COX11: variants seen among roughly 807,000 people sequenced by gnomAD.
The protein encoded by COX11 is cytochrome c oxidase assembly protein COX11, mitochondrial.
In COX11, 18 loss-of-function variants were observed where a neutral mutation model predicts 29.4. The observed-to-expected ratio is 0.61, with a 90% CI of 0.42 to 0.91. The LOEUF (loss-of-function observed/expected upper bound fraction) is 0.91. Among genes scored for constraint, COX11 ranks in the 40% least tolerant of loss-of-function variants. The pLI, the probability that COX11 is intolerant of heterozygous loss-of-function variation, is 0.00. For missense variants in COX11, 312 were observed against 346.0 expected (o/e 0.90, Z 0.78); for synonymous variants, 131 against 124.0 (o/e 1.06, Z -0.38).
upstream of COX11, among the ~76,000 whole-genome samples, chr17:54,955,318 A>C (rs1330396769): frequency 6.6e-6 from 1 of 152,120 alleles, no homozygotes; most frequent in East Asian, 1.9e-4. Flanking sequence ...GGTGGTGGGG[A>C]GGTAGGTAAA....
Position 54,961,086 on chromosome 17 carries a change from A to C in COX11, c.*1647T>G. The C allele has an allele frequency of 3.0e-6, 2 of 661,044 alleles. No homozygotes were observed. Among genetic ancestry groups the C allele is most frequent in the South Asian group, 3.5e-5 (2 of 56,514 alleles). The allele number at this position is 661,044 out of a possible 1,614,324, so 40.9% of individuals were successfully genotyped here. ...CTATCAAAACTTATTTATTCCCCTT[A>C]TACCCTCCCCTATGGAAGAAGCACA... On this transcript the variant is annotated 3_prime_UTR_variant, in exon 4 of 4. Transcript: ENST00000299335.
upstream of COX11, chr17:54,968,773 G>A: frequency 8.7e-7 from 1 of 1,148,118 alleles, no homozygotes; most frequent in Non-Finnish European, 1.2e-6. Flanking sequence ...TCAGGTGGCA[G>A]CGCTTGCAGT....
chr17:54,961,227 T>A lies in COX11; in HGVS notation c.*1506A>T. 1.3e-6 allele frequency: 2 copies of A among 1,509,142 alleles called. No individual in the cohort carries two copies. The highest frequency in any genetic ancestry group is 1.4e-5 in the African/African-American group (1 of 72,448). 93.5% of individuals were successfully genotyped at this position (1,509,142 alleles called of 1,614,324 possible). ...TGAATACTGGCCATTTTCTTCTCTTTATTTTAGAAGAAAGTGGATGATCAG... is the reference window on the plus strand; with the variant it reads ...TGAATACTGGCCATTTTCTTCTCTTAATTTTAGAAGAAAGTGGATGATCAG... On this transcript the variant is annotated 3_prime_UTR_variant, in exon 4 of 4. Transcript: ENST00000299335.
intron 1 of COX11, among the ~76,000 whole-genome samples, chr17:54,966,009 T>G (rs185065769): frequency 3.1e-4 from 47 of 152,312 alleles, no homozygotes; most frequent in African/African-American, 1.0e-3. Flanking sequence ...ATTCTCTGTT[T>G]GTTACGCAAG....
chr17:54,964,553 TA>T (rs1384111046), intron 2 of COX11, 143 bp downstream of exon 2: 1 of 773,542 alleles, frequency 1.3e-6, no homozygotes, highest in Non-Finnish European at 2.1e-6. Flanking sequence ...AGTTACATGA[TA>T]GTAAAAGTCA....
At chr17:54,960,234 G>T (rs1392187419), downstream of COX11, among the ~76,000 whole-genome samples, 3 of 151,980 alleles carry the variant, frequency 2.0e-5, no homozygotes, top group African/African-American at 7.2e-5. Flanking sequence ...GCATGGTTGT[G>T]TGTCCCTGTA....
In COX11 at chr17:54,961,047, T is replaced by C. The variant is rs2077107651; in HGVS notation, c.*1686A>G. 2 of 599,332 alleles carry C rather than the reference T, an allele frequency of 3.3e-6. No individual in the cohort carries two copies. 37.1% of individuals were successfully genotyped at this position (599,332 alleles called of 1,614,324 possible). A position where few individuals can be genotyped will look rare whatever the true frequency, so the allele number is the denominator to read the frequency against. On this transcript the variant is annotated 3_prime_UTR_variant, in exon 4 of 4. Transcript: ENST00000299335. Reference sequence around the variant, plus strand: ...CTAATCCCATGTATTTACTATTTAATGGTCACCAATGAACTATCAAAACTT... The same window carrying C: ...CTAATCCCATGTATTTACTATTTAACGGTCACCAATGAACTATCAAAACTT...
rs1343974284 is a variant in COX11, at chr17:54,961,281, T to C, written c.*1452A>G. The C allele has an allele frequency of 5.2e-6, 8 of 1,551,536 alleles. No homozygotes were observed. In the Admixed American group the frequency reaches 9.8e-5, roughly 19 times the overall value. On this transcript the variant is annotated 3_prime_UTR_variant, in exon 4 of 4. Coordinates refer to ENST00000299335, the MANE Select transcript of COX11 (RefSeq NM_004375.5). The stretch of plus-strand genomic sequence containing the variant: ...ACTACCACATCAAAGGTGCCAACTC[T>C]CTAAAACGTAGACTCTGTGCAGCTT...
intron 1 of COX11, among the ~76,000 whole-genome samples, chr17:54,965,744 T>C (rs1279695242): frequency 1.3e-5 from 2 of 151,966 alleles, no homozygotes; most frequent in African/African-American, 2.4e-5. Context: ...GGCAGAAGAA[T>C]TGCTTGAACC....
chr17:54,961,893 C>T lies in COX11; in HGVS notation c.*840G>A, dbSNP rs1014138709. 1 of 908,980 alleles carries T rather than the reference C, an allele frequency of 1.1e-6. No individual in the cohort carries two copies. The highest frequency in any genetic ancestry group is 1.8e-5 in the African/African-American group (1 of 55,542). 56.3% of individuals were successfully genotyped at this position (908,980 alleles called of 1,614,324 possible). On this transcript the variant is annotated 3_prime_UTR_variant, in exon 4 of 4. Transcript: ENST00000299335. ...CAACTTAATATTTCTATTTAGAACA[C>T]AGAAAATGAAAATATTTAGAATAAG...
At chr17:54,955,719 T>A (rs1017235452), downstream of COX11, among the ~76,000 whole-genome samples, 4 of 152,144 alleles carry the variant, frequency 2.6e-5, no homozygotes, top group African/African-American at 9.6e-5. Context: ...GGAACTTCTT[T>A]TTCTCAACAA....
chr17:54,954,648 G>A (rs1048467961), exon 1 of COX11: 5 of 152,238 alleles, frequency 3.3e-5, no homozygotes, highest in East Asian at 1.9e-4. Flanking sequence ...TAGAGTTAGA[G>A]GGCCTCACTT....
chr17:54,960,411 A>G (rs1374893658), downstream of COX11, among the ~76,000 whole-genome samples: 1 of 152,202 alleles, frequency 6.6e-6, no homozygotes, highest in Admixed American at 6.5e-5. Flanking sequence ...TAAATAAACT[A>G]GAATACACAC....
chr17:54,959,491 A>G (rs567616902), downstream of COX11: 3 of 152,498 alleles, frequency 2.0e-5, no homozygotes, highest in East Asian at 5.8e-4. Flanking sequence ...AGAAAAAAGA[A>G]AAACGAATGA....
chr17:54,960,224 G>A (rs761766997), downstream of COX11, among the ~76,000 whole-genome samples: 16 of 152,136 alleles, frequency 1.1e-4, no homozygotes, highest in Middle Eastern at 3.4e-3. Context: ...AATTAGCTGG[G>A]CATGGTTGTG....
At chr17:54,958,364 A>AAGCAC (rs2077004786), downstream of COX11, 1 of 152,246 alleles carries the variant, frequency 6.6e-6, no homozygotes, top group South Asian at 2.1e-4. Flanking sequence ...TGCATTTGAA[A>AAGCAC]AGCACATGAG....
Position 54,968,515 on chromosome 17 carries a change from T to C in COX11, c.132A>G (p.Gly44=), listed in dbSNP as rs1057967. 3 of 1,613,198 alleles carry C rather than the reference T, an allele frequency of 1.9e-6. No homozygotes were observed. Among genetic ancestry groups the C allele is most frequent in the Non-Finnish European group, 1.7e-6 (2 of 1,180,004 alleles). Residue 44 remains glycine, a synonymous_variant, in exon 1 of 4, where the codon GGA becomes GGG. Coordinates refer to ENST00000299335, the MANE Select transcript of COX11 (RefSeq NM_004375.5). ...PFLRPEWSGT[G]GAERGLRWLG... is the part of the protein sequence containing the mutation. The stretch of plus-strand genomic sequence containing the variant: ...GCCACCTCAGTCCTCTCTCGGCACC[T>C]CCTGTCCCACTCCACTCTGGCCTAA...
chr17:54,955,901 G>A (rs1054519041), downstream of COX11, among the ~76,000 whole-genome samples: 1 of 152,166 alleles, frequency 6.6e-6, no homozygotes, highest in Non-Finnish European at 1.5e-5. Context: ...TGTGGTGCTG[G>A]TCAGTGGACT....
In COX11 at chr17:54,953,570, C is replaced by A. The variant is rs573643134; in HGVS notation, n.1580G>T. On this transcript the variant is annotated non_coding_transcript_exon_variant, in exon 1 of 1. Transcript: ENST00000572088. Reference sequence around the variant, plus strand: ...TGGGGATGATTTGGACATTCCCTTTCCTAGCATCCTTTCTGCTTCCAGTAA... The same window carrying A: ...TGGGGATGATTTGGACATTCCCTTTACTAGCATCCTTTCTGCTTCCAGTAA... 1.2e-4 allele frequency: 18 copies of A among 152,400 alleles called. No homozygotes were observed. The East Asian group carries it at 3.3e-3, about 28-fold the overall frequency. 9.4% of individuals were successfully genotyped at this position (152,400 alleles called of 1,614,324 possible).
Sources: allele counts gnomAD v4.1 joint callset (sites outside exome capture counted in the v4.1 genomes callset), GRCh38; gene constraint gnomAD v4.1.1; transcripts MANE v1.5; gene names NCBI Gene and HGNC (gene_info 2026-07-23, HGNC 2026-07-21).